Variants in HIVEP1 observed in about 807,000 individuals in gnomAD.
HIVEP1 encodes zinc finger protein 40.
HIVEP1 carries 36 observed loss-of-function variants against 180.0 expected under a neutral mutation model. That is an observed-to-expected ratio of 0.20 (90% CI 0.15 to 0.26). The LOEUF (loss-of-function observed/expected upper bound fraction) is 0.26, where lower values mean the gene tolerates loss of function less well. HIVEP1 is among the 10% of genes least tolerant of loss of function. The pLI is 1.00. For synonymous variants in HIVEP1, 1,239 were observed against 1,239.0 expected (o/e 1.00, Z 0.00); for missense variants, 3,143 against 3,268.7 (o/e 0.96, Z 0.94).
intron 2 of HIVEP1, among the ~76,000 whole-genome samples, chr6:12,081,410 C>T (rs1303656217): frequency 1.3e-5 from 2 of 152,168 alleles, no homozygotes; most frequent in African/African-American, 2.4e-5. Context: ...TTGTAGACAG[C>T]GATGTCTCTT....
chr6:12,009,221 G>A (rs1260797836), upstream of HIVEP1, among the ~76,000 whole-genome samples: 1 of 149,096 alleles, frequency 6.7e-6, no homozygotes, highest in South Asian at 2.1e-4. Flanking sequence ...GGGCCCGGCC[G>A]GGCGGCCGCG....
intron 3 of HIVEP1, among the ~76,000 whole-genome samples, chr6:12,111,534 G>A (rs1158797971): frequency 6.6e-6 from 1 of 152,228 alleles, no homozygotes; most frequent in Non-Finnish European, 1.5e-5. Context: ...GCAGAATTTA[G>A]TCCTGTAGCT....
At chr6:12,189,776 ATTC>A in the HIVEP1 span, among the ~76,000 whole-genome samples, 2 of 152,182 alleles carry the variant, frequency 1.3e-5, no homozygotes, top group African/African-American at 2.4e-5. Flanking sequence ...CTAGGAATTT[ATTC>A]TTATTGACAT....
intron 2 of HIVEP1, among the ~76,000 whole-genome samples, chr6:12,062,553 A>C (rs7743221): frequency 3.3e-5 from 5 of 151,950 alleles, no homozygotes; most frequent in Non-Finnish European, 5.9e-5. Context: ...TCAAAAGGCT[A>C]TGGGGAATAA....
At chr6:12,035,386 T>A (rs1561873104) in intron 2 of HIVEP1, among the ~76,000 whole-genome samples, 1 of 152,236 alleles carries the variant, frequency 6.6e-6, no homozygotes, top group Non-Finnish European at 1.5e-5. Context: ...GCAAGCATGC[T>A]TTTTCTTCTT....
At chr6:12,202,918 G>T in the HIVEP1 span, among the ~76,000 whole-genome samples, 1 of 152,080 alleles carries the variant, frequency 6.6e-6, no homozygotes, top group Non-Finnish European at 1.5e-5. Context: ...TCATCATAGG[G>T]CACACCTTCT....
the HIVEP1 span, among the ~76,000 whole-genome samples, chr6:12,203,394 C>T: frequency 2.0e-5 from 3 of 152,180 alleles, no homozygotes; most frequent in Admixed American, 6.5e-5. Context: ...GAGTGGCAGT[C>T]GGCATAGTTT....
chr6:12,152,512 T>C (rs577190857), intron 7 of HIVEP1, among the ~76,000 whole-genome samples: 3 of 152,342 alleles, frequency 2.0e-5, no homozygotes, highest in African/African-American at 7.2e-5. Context: ...TTTGGTGCCA[T>C]GGATGTTTAA....
chr6:12,051,545 G>T (rs1054385757), intron 2 of HIVEP1, among the ~76,000 whole-genome samples: 2 of 151,862 alleles, frequency 1.3e-5, no homozygotes, highest in Admixed American at 6.6e-5. Context: ...CATAGTGTAT[G>T]TATGTAAATA....
chr6:12,056,579 A>G (rs1186314838), intron 2 of HIVEP1, among the ~76,000 whole-genome samples: 2 of 152,212 alleles, frequency 1.3e-5, no homozygotes, highest in Non-Finnish European at 2.9e-5. Flanking sequence ...TTAGATTATC[A>G]TATCAGCTGC....
chr6:12,104,251 A>G (rs971483875), intron 3 of HIVEP1, among the ~76,000 whole-genome samples: 15 of 151,654 alleles, frequency 9.9e-5, no homozygotes, highest in Admixed American at 5.3e-4. Context: ...CTCCTTACAT[A>G]TTGCCTCTGC....
In HIVEP1 at chr6:12,120,560, A is replaced by G; in HGVS notation, c.765A>G (p.Ser255=). The change falls in exon 4 of 9, where the codon TCA becomes TCG. Residue 255 remains serine, a synonymous_variant. Coordinates refer to ENST00000379388, the MANE Select transcript of HIVEP1 (RefSeq NM_002114.4). ...NQTSQELVAE[S]QSSCTSYTVH... Reference sequence around the variant, plus strand: ...CTTCACAGGAATTGGTTGCTGAATCACAGTCTTCTTGTACCTCATACACAG... The same window carrying G: ...CTTCACAGGAATTGGTTGCTGAATCGCAGTCTTCTTGTACCTCATACACAG... The G allele has an allele frequency of 6.2e-7, 1 of 1,614,228 alleles. No homozygotes were observed. The highest frequency in any genetic ancestry group is 8.5e-7 in the Non-Finnish European group (1 of 1,180,042).
At chr6:12,185,361 G>A in the HIVEP1 span, among the ~76,000 whole-genome samples, 2 of 152,186 alleles carry the variant, frequency 1.3e-5, no homozygotes, top group African/African-American at 2.4e-5. Context: ...GCACGGAAGC[G>A]TAGCTCTAGA....
chr6:12,204,872 A>G, the HIVEP1 span, among the ~76,000 whole-genome samples: 1 of 152,226 alleles, frequency 6.6e-6, no homozygotes, highest in Admixed American at 6.5e-5. Context: ...ATAAACATGT[A>G]TGACATCAGG....
At chr6:12,027,413 G>A (rs9470769) in intron 2 of HIVEP1, among the ~76,000 whole-genome samples, 89 of 152,292 alleles carry the variant, frequency 5.8e-4, no homozygotes, top group African/African-American at 1.6e-3. Context: ...AGTTAGTCTT[G>A]CCAGAAATAT....
chr6:12,206,875 G>A, the HIVEP1 span, among the ~76,000 whole-genome samples: 1 of 151,392 alleles, frequency 6.6e-6, no homozygotes, highest in Non-Finnish European at 1.5e-5. Flanking sequence ...GAGTGGGTGA[G>A]AAGCTGCAGC....
the HIVEP1 span, among the ~76,000 whole-genome samples, chr6:12,197,264 G>A: frequency 6.6e-6 from 1 of 152,032 alleles, no homozygotes; most frequent in African/African-American, 2.4e-5. Context: ...TTTGACATGG[G>A]AAAAGTGTAG....
Position 12,122,906 on chromosome 6 carries a change from T to A in HIVEP1, c.3111T>A (p.Val1037=). The A allele has an allele frequency of 6.2e-7, 1 of 1,614,062 alleles. No homozygotes were observed. ...GAAAAAGGAGGAAAATGAAAAGTGT[T>A]GGGGATGATGAAGAACTTCAGCAAA... The part of the protein sequence containing the change: ...QIRKRRKMKS[V]GDDEELQQNE... The change falls in exon 4 of 9, where the codon GTT becomes GTA. Residue 1037 remains valine (V), a synonymous_variant. Transcript: ENST00000379388.
chr6:12,026,201 A>T lies in HIVEP1; in HGVS notation c.40+10533A>T, dbSNP rs992643268. Among the ~76,000 whole-genome samples, 16 of 152,244 alleles carry T rather than the reference A, an allele frequency of 1.1e-4. 1 individual carries two copies. Among genetic ancestry groups the T allele is most frequent in the African/African-American group, 3.6e-4 (15 of 41,464 alleles). ...GTCTCCAAACACAGGAAAATAAAAGATCTAAGAGCAACATAAAGGAACAAA... is the reference window on the plus strand; with the variant it reads ...GTCTCCAAACACAGGAAAATAAAAGTTCTAAGAGCAACATAAAGGAACAAA... On this transcript the variant is annotated intron_variant, in intron 2 of 8. Coordinates refer to ENST00000379388, the MANE Select transcript of HIVEP1 (RefSeq NM_002114.4).
Sources: allele counts gnomAD v4.1 joint callset (sites outside exome capture counted in the v4.1 genomes callset), GRCh38; gene constraint gnomAD v4.1.1; transcripts MANE v1.5; gene names NCBI Gene and HGNC (gene_info 2026-07-23, HGNC 2026-07-21).